NXPE2: variants seen among roughly 807,000 people sequenced by gnomAD.
NXPE2 encodes NXPE family member 2.
A neutral mutation model predicts 34.4 loss-of-function variants in NXPE2; 34 were observed. That is an observed-to-expected ratio of 0.99 (90% CI 0.75 to 1.31). The LOEUF (loss-of-function observed/expected upper bound fraction) is 1.31. Ranked by LOEUF, NXPE2 falls within the 40% of genes most tolerant of loss-of-function variation. The probability of loss-of-function intolerance (pLI) is 0.00; values close to 1 mark genes in which losing one functional copy is unlikely to be tolerated. For synonymous variants in NXPE2, 235 were observed against 231.3 expected, an observed-to-expected ratio of 1.02 and a Z score of -0.15; for missense variants, 649 against 672.5, an observed-to-expected ratio of 0.97 and a Z score of 0.39.
chr11:114,770,520 T>C, the NXPE2 span, among the ~76,000 whole-genome samples: 369 of 152,330 alleles, frequency 2.4e-3, no homozygotes, highest in African/African-American at 8.5e-3. Context: ...AGCACATACG[T>C]AAATTCATCT....
downstream of NXPE2, among the ~76,000 whole-genome samples, chr11:114,709,827 G>A (rs1270552342): frequency 4.6e-5 from 7 of 152,038 alleles, no homozygotes; most frequent in South Asian, 4.2e-4. Context: ...GCTTGAACCC[G>A]GGAGGCGGAG....
At chr11:114,526,282 T>A in the NXPE2 span, among the ~76,000 whole-genome samples, 35 of 152,296 alleles carry the variant, frequency 2.3e-4, no homozygotes, top group East Asian at 5.4e-3. Context: ...TATAAGATGA[T>A]ATATTTTTGT....
chr11:114,553,875 T>A, the NXPE2 span: 1 of 968,434 alleles, frequency 1.0e-6, no homozygotes, highest in Non-Finnish European at 1.2e-6. Context: ...TAGGCCATGA[T>A]GGGTACATTT....
chr11:114,712,431 CAAAT>C, the NXPE2 span, among the ~76,000 whole-genome samples: 6,559 of 152,062 alleles, frequency 0.043, 203 homozygotes, highest in Admixed American at 0.085. Context: ...TGTAAAAAAA[CAAAT>C]AGATTTAAAA....
At chr11:114,643,132 G>T in the NXPE2 span, among the ~76,000 whole-genome samples, 1 of 151,872 alleles carries the variant, frequency 6.6e-6, no homozygotes, top group Admixed American at 6.6e-5. Context: ...GTAAATTTAA[G>T]TTCTTTGTAG....
the NXPE2 span, among the ~76,000 whole-genome samples, chr11:114,471,755 C>T: frequency 1.3e-5 from 2 of 152,026 alleles, no homozygotes; most frequent in Non-Finnish European, 2.9e-5. Context: ...TTAATGCTAG[C>T]CTTGGTAAAT....
At chr11:114,583,269 G>T in the NXPE2 span, 2 of 652,570 alleles carry the variant, frequency 3.1e-6, no homozygotes, top group Non-Finnish European at 5.6e-6. Flanking sequence ...CAAAGGCAGG[G>T]CACCAGGAGG....
the NXPE2 span, among the ~76,000 whole-genome samples, chr11:114,604,298 G>T: frequency 1.3e-5 from 2 of 152,004 alleles, no homozygotes; most frequent in African/African-American, 2.4e-5. Context: ...TGCCTCGTGG[G>T]TAACAATTCT....
At chr11:114,665,815 C>T in the NXPE2 span, among the ~76,000 whole-genome samples, 1 of 152,150 alleles carries the variant, frequency 6.6e-6, no homozygotes, top group South Asian at 2.1e-4. Context: ...CTTCCTATCA[C>T]ATTACTGTAA....
chr11:114,777,802 A>T, the NXPE2 span, among the ~76,000 whole-genome samples: 6 of 152,280 alleles, frequency 3.9e-5, no homozygotes, highest in Non-Finnish European at 7.4e-5. Flanking sequence ...TCTGTGCTTC[A>T]AATTCTATAT....
chr11:114,724,001 C>T, the NXPE2 span, among the ~76,000 whole-genome samples: 1 of 152,178 alleles, frequency 6.6e-6, no homozygotes, highest in Non-Finnish European at 1.5e-5. Context: ...TAAATATCCT[C>T]TTCTTTTCTA....
At chr11:114,581,317 A>G in the NXPE2 span, among the ~76,000 whole-genome samples, 3 of 152,286 alleles carry the variant, frequency 2.0e-5, no homozygotes, top group African/African-American at 4.8e-5. Context: ...GTTATAATAA[A>G]CTGACACTCA....
the NXPE2 span, among the ~76,000 whole-genome samples, chr11:114,766,873 G>A: frequency 6.6e-6 from 1 of 152,084 alleles, no homozygotes; most frequent in Non-Finnish European, 1.5e-5. Context: ...CATGACTTTG[G>A]TCAGCAGAAA....
chr11:114,646,440 G>T, the NXPE2 span, among the ~76,000 whole-genome samples: 1,388 of 151,948 alleles, frequency 9.1e-3, 19 homozygotes, highest in African/African-American at 0.032. Context: ...TTTCTGTTAT[G>T]AAAACATTCT....
chr11:114,753,339 G>A, the NXPE2 span, among the ~76,000 whole-genome samples: 7 of 152,150 alleles, frequency 4.6e-5, no homozygotes, highest in Admixed American at 3.3e-4. Flanking sequence ...GCTGCAGTGA[G>A]TCGTGATTGC....
the NXPE2 span, among the ~76,000 whole-genome samples, chr11:114,642,299 C>A: frequency 1.3e-5 from 2 of 151,986 alleles, no homozygotes; most frequent in South Asian, 4.1e-4. Context: ...AATACCTGAC[C>A]ATGAGCAGTG....
At chr11:114,509,154 C>T in the NXPE2 span, among the ~76,000 whole-genome samples, 1 of 152,162 alleles carries the variant, frequency 6.6e-6, no homozygotes, top group Non-Finnish European at 1.5e-5. Context: ...GAAAACAAAG[C>T]TCAACATCAC....
the NXPE2 span, chr11:114,582,422 G>C: frequency 3.1e-6 from 5 of 1,614,158 alleles, no homozygotes; most frequent in Non-Finnish European, 4.2e-6. Flanking sequence ...TGTTGTCCAG[G>C]TACTGGCACA....
chr11:114,645,553 T>A, the NXPE2 span, among the ~76,000 whole-genome samples: 1 of 152,144 alleles, frequency 6.6e-6, no homozygotes, highest in Non-Finnish European at 1.5e-5. Context: ...AATTTTTGAA[T>A]TTCAGTGCAA....
Sources: allele counts gnomAD v4.1 joint callset (sites outside exome capture counted in the v4.1 genomes callset), GRCh38; gene constraint gnomAD v4.1.1; transcripts MANE v1.5; gene names NCBI Gene and HGNC (gene_info 2026-07-23, HGNC 2026-07-21).